Variants in SLC39A11 observed in about 807,000 individuals in gnomAD.
SLC39A11 encodes the protein solute carrier family 39 member 11.
Under a neutral mutation model 36.1 loss-of-function variants are expected in SLC39A11, and 33 were observed. The ratio of observed to expected loss-of-function variants is 0.91; its 90% CI spans 0.69 to 1.22. The LOEUF (loss-of-function observed/expected upper bound fraction) is 1.22. SLC39A11 is among the 50% of genes most tolerant of loss of function. The pLI is 0.00. For missense variants in SLC39A11, 432 were observed against 430.3 expected, an observed-to-expected ratio of 1.00 and a Z score of -0.03; for synonymous variants, 166 against 170.3, an observed-to-expected ratio of 0.97 and a Z score of 0.20.
In SLC39A11 at chr17:72,815,034, C is replaced by T. The variant is rs144365848; in HGVS notation, c.601+34600G>A. 1.3e-3 allele frequency among the ~76,000 whole-genome samples: 196 copies of T among 152,292 alleles called. 4 individuals carry two copies. The East Asian group carries it at 0.034, about 27-fold the overall frequency. ...AAAACTAAGGAAGGGGCAAACCACCCACATCTTGTCCACTGCAGGCTGCCA... is the reference window on the plus strand; with the variant it reads ...AAAACTAAGGAAGGGGCAAACCACCTACATCTTGTCCACTGCAGGCTGCCA... On this transcript the variant is annotated intron_variant, in intron 6 of 9. Coordinates refer to ENST00000255559, the MANE Select transcript of SLC39A11 (RefSeq NM_139177.4).
chr17:72,697,557 C>T (rs968535366), intron 7 of SLC39A11, among the ~76,000 whole-genome samples: 4 of 152,156 alleles, frequency 2.6e-5, no homozygotes, highest in Admixed American at 1.3e-4. Context: ...ACCATCTCAA[C>T]GAAGCCCAAA....
chr17:72,766,621 C>T (rs1001028617), intron 6 of SLC39A11, among the ~76,000 whole-genome samples: 1 of 152,202 alleles, frequency 6.6e-6, no homozygotes, highest in African/African-American at 2.4e-5. Context: ...CTAACATCTA[C>T]TTGTCTCTCA....
intron 5 of SLC39A11, among the ~76,000 whole-genome samples, chr17:72,912,807 C>T (rs1024328836): frequency 6.6e-6 from 1 of 152,152 alleles, no homozygotes; most frequent in African/African-American, 2.4e-5. Context: ...CATGATCTTA[C>T]ACCCCAGCCC....
chr17:73,055,763 T>G (rs910572841), intron 3 of SLC39A11, among the ~76,000 whole-genome samples: 2 of 152,062 alleles, frequency 1.3e-5, no homozygotes, highest in Non-Finnish European at 2.9e-5. Flanking sequence ...CCACCAAATC[T>G]TAATCAATCA....
intron 4 of SLC39A11, among the ~76,000 whole-genome samples, chr17:72,956,875 T>A (rs1221982123): frequency 6.6e-6 from 1 of 152,090 alleles, no homozygotes; most frequent in Non-Finnish European, 1.5e-5. Context: ...CCCCAAAACT[T>A]AGTGGTTTAA....
chr17:72,878,679 AT>A (rs998660270), intron 5 of SLC39A11, among the ~76,000 whole-genome samples: 3 of 152,070 alleles, frequency 2.0e-5, no homozygotes, highest in Admixed American at 6.6e-5. Context: ...ATCCCATAAT[AT>A]TTTTCCCTAC....
At chr17:73,056,416 G>T (rs868406444) in intron 3 of SLC39A11, among the ~76,000 whole-genome samples, 3 of 152,064 alleles carry the variant, frequency 2.0e-5, no homozygotes, top group African/African-American at 7.2e-5. Context: ...TGATCCACCC[G>T]CCTCGGCCTC....
chr17:72,732,440 C>T (rs941370779), intron 7 of SLC39A11, among the ~76,000 whole-genome samples: 22 of 152,246 alleles, frequency 1.4e-4, no homozygotes, highest in East Asian at 5.8e-4. Flanking sequence ...TCCAGAACAG[C>T]GCCTCGCATT....
At chr17:72,882,537 A>T (rs2081247740) in intron 5 of SLC39A11, among the ~76,000 whole-genome samples, 1 of 152,134 alleles carries the variant, frequency 6.6e-6, no homozygotes, top group African/African-American at 2.4e-5. Context: ...GCTCTCTGCA[A>T]ATTTTCTTTG....
At chr17:72,713,606 T>C (rs1460558400) in intron 7 of SLC39A11, among the ~76,000 whole-genome samples, 1 of 152,190 alleles carries the variant, frequency 6.6e-6, no homozygotes, top group African/African-American at 2.4e-5. Flanking sequence ...AAGGTATTAA[T>C]AGCCAACTAG....
chr17:73,089,780 G>GC (rs1008188206), intron 1 of SLC39A11: 12 of 152,172 alleles, frequency 7.9e-5, no homozygotes, highest in African/African-American at 2.9e-4. Flanking sequence ...GGTCAACTCA[G>GC]CACCCTGCTG....
chr17:72,698,834 TTTTTG>T (rs368420240), intron 7 of SLC39A11, among the ~76,000 whole-genome samples: 2 of 152,054 alleles, frequency 1.3e-5, no homozygotes, highest in Non-Finnish European at 2.9e-5. Context: ...GTTGGTTCTT[TTTTTG>T]TTTTGTTTTG....
chr17:73,086,544 G>C (rs1366898518), intron 2 of SLC39A11, among the ~76,000 whole-genome samples: 1 of 152,168 alleles, frequency 6.6e-6, no homozygotes, highest in African/African-American at 2.4e-5. Flanking sequence ...ACTCAGCTGG[G>C]CATGATGGTG....
chr17:73,060,031 G>A (rs1048415227), intron 3 of SLC39A11, among the ~76,000 whole-genome samples: 10 of 151,908 alleles, frequency 6.6e-5, no homozygotes, highest in Non-Finnish European at 1.3e-4. Context: ...CCAACATGGT[G>A]AAACCTGTCT....
intron 3 of SLC39A11, among the ~76,000 whole-genome samples, chr17:73,082,902 G>C (rs1354623936): frequency 4.0e-5 from 6 of 150,580 alleles, no homozygotes; most frequent in African/African-American, 7.3e-5. Flanking sequence ...TGTAATCCCA[G>C]TTACTCGGGA....
At chr17:72,653,072 C>CT (rs2069928162) in intron 7 of SLC39A11, among the ~76,000 whole-genome samples, 1 of 150,934 alleles carries the variant, frequency 6.6e-6, no homozygotes. Context: ...TCTGATGAGC[C>CT]TGGTGGGCTT....
rs559323663 is a variant in SLC39A11, at chr17:72,698,956, G to A, written c.671+37694C>T. On this transcript the variant is annotated intron_variant, in intron 7 of 9. Coordinates refer to ENST00000255559, the MANE Select transcript of SLC39A11 (RefSeq NM_139177.4). ...CGCCATTCTCCTGCCTCAGCCTCCC[G>A]AGTAGCTGGGACTACAGGCGCCCGC... Among the ~76,000 whole-genome samples the A allele has an allele frequency of 5.3e-3, 814 of 152,150 alleles. 5 individuals carry two copies. The highest frequency in any genetic ancestry group is 0.018 in the African/African-American group (731 of 41,500).
At position 72,713,410 on chromosome 17, in the gene SLC39A11, G is replaced by A. The variant is rs1544995; in HGVS notation, c.671+23240C>T. Among the ~76,000 whole-genome samples the A allele has an allele frequency of 4.0e-3, 603 of 151,010 alleles. 2 individuals carry two copies. The highest frequency in any genetic ancestry group is 0.014 in the African/African-American group (575 of 41,134). ...CTGCACTCCCAGCCAGGGTGTAGAT[G>A]GGAGAGTTTCCAGGGGGAGGCAGCA... On this transcript the variant is annotated intron_variant, in intron 7 of 9. Coordinates refer to ENST00000255559, the MANE Select transcript of SLC39A11 (RefSeq NM_139177.4).
intron 7 of SLC39A11, among the ~76,000 whole-genome samples, chr17:72,732,824 T>C (rs2074285638): frequency 1.3e-5 from 2 of 152,212 alleles, no homozygotes; most frequent in African/African-American, 4.8e-5. Context: ...GGCCAGTATT[T>C]ATGCTCTTTA....
Sources: gnomAD v4.1 joint callset for allele counts (sites outside exome capture counted in the v4.1 genomes callset) on GRCh38, gnomAD v4.1.1 for gene constraint, MANE v1.5 for transcripts, NCBI Gene and HGNC (gene_info 2026-07-23, HGNC 2026-07-21) for gene names.